Variants in PRDM9 observed in about 807,000 individuals in gnomAD.
PRDM9 encodes PR/SET domain 9.
Under a neutral mutation model 55.6 loss-of-function variants are expected in PRDM9, and 47 were observed. The ratio of observed to expected loss-of-function variants is 0.85; its 90% CI spans 0.67 to 1.08. PRDM9 has a LOEUF of 1.08. PRDM9 is among the 50% of genes least tolerant of loss of function. The pLI is 0.00. For synonymous variants in PRDM9, 312 were observed against 375.7 expected, an observed-to-expected ratio of 0.83 and a Z score of 1.96; for missense variants, 867 against 1,040.3, an observed-to-expected ratio of 0.83 and a Z score of 2.29.
At position 23,526,857 on chromosome 5, in the gene PRDM9, G is replaced by T. The variant is rs772907091; in HGVS notation, c.1769G>T (p.Ser590Ile). The T allele has an allele frequency of 3.1e-6, 5 of 1,606,378 alleles. No individual in the cohort carries two copies. The highest frequency in any genetic ancestry group is 4.2e-6 in the Non-Finnish European group (5 of 1,177,422). The change falls in exon 11 of 11, where the codon AGC becomes ATC. Residue 590 changes from serine to isoleucine, a missense_variant. Physicochemically the swap from Ser to Ile is moderately radical, Grantham distance 142. This residue lies in a region of PRDM9 where 662 missense variants were observed against 711.9 expected (regional missense o/e 0.93). Coordinates refer to ENST00000296682, the MANE Select transcript of PRDM9 (RefSeq NM_020227.4). ...YVCRECGRGF[S>I]WQSVLLTHQR... ...TGCAGGGAGTGTGGGCGGGGCTTTA[G>T]CTGGCAGTCAGTCCTCCTCACTCAC...
intron 5 of PRDM9, among the ~76,000 whole-genome samples, chr5:23,520,399 A>G (rs903018922): frequency 4.6e-5 from 7 of 150,986 alleles, no homozygotes; most frequent in African/African-American, 1.7e-4. Context: ...ATGTATGCCA[A>G]TTTCTGGATC....
chr5:23,510,064 T>G (rs1739061135), intron 4 of PRDM9, 37 bp downstream of exon 4: 1 of 1,575,550 alleles, frequency 6.3e-7, no homozygotes, highest in African/African-American at 1.4e-5. Flanking sequence ...TTTTTTTTTT[T>G]TTTTTTTGAG....
At chr5:23,511,025 G>A (rs1739085324) in intron 4 of PRDM9, among the ~76,000 whole-genome samples, 1 of 151,536 alleles carries the variant, frequency 6.6e-6, no homozygotes, top group Non-Finnish European at 1.5e-5. Context: ...GTGTGGTGGT[G>A]GGTGCCTATA....
At chr5:23,521,283 T>G in intron 6 of PRDM9, 104 bp downstream of exon 6, 14 of 1,332,296 alleles carry the variant, frequency 1.1e-5, no homozygotes, top group Non-Finnish European at 1.5e-5. Context: ...GGCCTGGGCT[T>G]AAGCTGGACT....
chr5:23,515,086 C>G (rs1216632637), intron 4 of PRDM9, among the ~76,000 whole-genome samples: 1 of 151,836 alleles, frequency 6.6e-6, no homozygotes, highest in African/African-American at 2.4e-5. Flanking sequence ...GCCTCAGCCT[C>G]CCGAGTAGCT....
chr5:23,525,144 C>T (rs1199876733), intron 10 of PRDM9, among the ~76,000 whole-genome samples: 1 of 152,186 alleles, frequency 6.6e-6, no homozygotes, highest in Admixed American at 6.5e-5. Flanking sequence ...AGCGGATTGT[C>T]AGGGAAGATT....
At chr5:23,523,001 T>G in intron 8 of PRDM9, 116 bp downstream of exon 8, 1 of 1,558,058 alleles carries the variant, frequency 6.4e-7, no homozygotes, top group Non-Finnish European at 8.8e-7. Flanking sequence ...GTTAGCTCTG[T>G]GTACTCAAGG....
At position 23,522,868 on chromosome 5, in the gene PRDM9, A is replaced by G; in HGVS notation, c.865A>G (p.Asn289Asp). Reference sequence around the variant, plus strand: ...TACAGAAGACGAAGAGGCAGCCAACAATGGATACTCCTGGCTGGTAAGAAG... The same window carrying G: ...TACAGAAGACGAAGAGGCAGCCAACGATGGATACTCCTGGCTGGTAAGAAG... ...RITEDEEAAN[N>D]GYSWLITKGR... is the part of the protein sequence containing the mutation. Residue 289 changes from asparagine to aspartate, a missense_variant, in exon 8 of 11, where the codon AAT (asparagine) becomes GAT (aspartate). This residue lies in a region of PRDM9 where 662 missense variants were observed against 711.9 expected (regional missense o/e 0.93). Coordinates refer to ENST00000296682, the MANE Select transcript of PRDM9 (RefSeq NM_020227.4). 6.2e-7 allele frequency: 1 copy of G among 1,614,202 alleles called. No individual in the cohort carries two copies. Among genetic ancestry groups the G allele is most frequent in the Non-Finnish European group, 8.5e-7 (1 of 1,180,038 alleles).
At chr5:23,510,688 T>G (rs969070100) in intron 4 of PRDM9, among the ~76,000 whole-genome samples, 1 of 151,738 alleles carries the variant, frequency 6.6e-6, no homozygotes, top group African/African-American at 2.4e-5. Flanking sequence ...TTACTATTAT[T>G]ACAGACAAGG....
chr5:23,518,306 G>A (rs531784626), intron 5 of PRDM9, among the ~76,000 whole-genome samples: 6 of 152,302 alleles, frequency 3.9e-5, no homozygotes, highest in African/African-American at 1.4e-4. Flanking sequence ...CAGTGTTGGT[G>A]CAGTCTAATC....
Position 23,523,378 on chromosome 5 carries a change from G to C in PRDM9, c.950+20G>C, listed in dbSNP as rs1455571778. 1.3e-6 allele frequency: 2 copies of C among 1,596,796 alleles called. No homozygotes were observed. Among genetic ancestry groups the C allele is most frequent in the Non-Finnish European group, 1.7e-6 (2 of 1,164,258 alleles). On this transcript the variant is annotated intron_variant, in intron 9 of 10. Transcript: ENST00000296682. ...GATGAGGTAAGGCCAGTAGCTCTCT[G>C]AGTTGCAGAGAGAACCTTCATCTCT... is the stretch of plus-strand genomic sequence containing the variant.
At chr5:23,522,568 G>A (rs776932054) in intron 7 of PRDM9, 46 bp from the exon 8 acceptor site, 15 of 1,613,472 alleles carry the variant, frequency 9.3e-6, no homozygotes, top group Admixed American at 5.0e-5. Context: ...TTATATCAAG[G>A]AACATGCATT....
rs1739372112 is a variant in PRDM9 at position 23,523,332 on chromosome 5, A to G, written c.924A>G (p.Lys308=). The change falls in exon 9 of 11, where the codon AAA becomes AAG. Residue 308 remains lysine (K), a synonymous_variant. Coordinates refer to ENST00000296682, the MANE Select transcript of PRDM9 (RefSeq NM_020227.4). ...ACTGCTATGAGTATGTGGATGGAAA[A>G]GATAAATCCTGGGCCAACTGGATGA... The part of the protein sequence containing the change: ...GRNCYEYVDG[K]DKSWANWMRY... The G allele has an allele frequency of 6.2e-7, 1 of 1,613,946 alleles. No homozygotes were observed. The highest frequency in any genetic ancestry group is 1.7e-5 in the Admixed American group (1 of 59,994).
Position 23,523,289 on chromosome 5 carries a change from A to T in PRDM9, c.883-2A>T, listed in dbSNP as rs1324310942. On this transcript the variant is annotated splice_acceptor_variant, in intron 8 of 10. Coordinates refer to ENST00000296682, the MANE Select transcript of PRDM9 (RefSeq NM_020227.4). LOFTEE classifies it high-confidence loss of function. ...CCTTTGCCTTGTTTTTCTGAAACTC[A>T]GATCACCAAGGGGAGAAACTGCTAT... 6.2e-7 allele frequency: 1 copy of T among 1,613,432 alleles called. No individual in the cohort carries two copies.
chr5:23,525,110 T>C (rs1473866044), intron 10 of PRDM9, among the ~76,000 whole-genome samples: 1 of 152,190 alleles, frequency 6.6e-6, no homozygotes, highest in Admixed American at 6.5e-5. Flanking sequence ...TGGGGATCCG[T>C]GTGAGGTGAG....
At position 23,522,357 on chromosome 5, in the gene PRDM9, G is replaced by A. The variant is rs369637146; in HGVS notation, c.562G>A (p.Gly188Ser). 6.2e-7 allele frequency: 1 copy of A among 1,614,088 alleles called. No individual in the cohort carries two copies. The highest frequency in any genetic ancestry group is 8.5e-7 in the Non-Finnish European group (1 of 1,180,018). The change falls in exon 7 of 11, where the codon GGT becomes AGT. Residue 188 changes from glycine to serine, a missense_variant. By Grantham distance (56) the Gly-to-Ser change is moderately conservative. Coordinates refer to ENST00000296682, the MANE Select transcript of PRDM9 (RefSeq NM_020227.4). Reference protein sequence around the residue: ...RKMYSLRERKGHAYKEVSEPQ... With the variant: ...RKMYSLRERKSHAYKEVSEPQ... Reference sequence around the variant, plus strand: ...GATGTATAGCCTGCGAGAAAGAAAGGGTCATGCATACAAAGAGGTCAGCGA... The same window carrying A: ...GATGTATAGCCTGCGAGAAAGAAAGAGTCATGCATACAAAGAGGTCAGCGA...
chr5:23,507,603 C>G (rs1184842797), upstream of PRDM9: 1 of 152,592 alleles, frequency 6.6e-6, no homozygotes, highest in East Asian at 1.9e-4. Flanking sequence ...CCACATCTCA[C>G]CTCCTGAGGG....
chr5:23,511,300 G>A (rs1201736195), intron 4 of PRDM9, among the ~76,000 whole-genome samples: 3 of 152,146 alleles, frequency 2.0e-5, no homozygotes, highest in Non-Finnish European at 4.4e-5. Flanking sequence ...AGTATATACA[G>A]TAAGAGGTTA....
Position 23,524,406 on chromosome 5 carries a change from T to C in PRDM9, c.1023T>C (p.Tyr341=), listed in dbSNP as rs371125319. The change falls in exon 10 of 11, where the codon TAT becomes TAC. Residue 341 remains tyrosine (Y), a synonymous_variant. Coordinates refer to ENST00000296682, the MANE Select transcript of PRDM9 (RefSeq NM_020227.4). Reference sequence around the variant, plus strand: ...TCCAGTACCACAGGCAGATCTTCTATAGAACCTGCCGAGTCATTAGGCCAG... The same window carrying C: ...TCCAGTACCACAGGCAGATCTTCTACAGAACCTGCCGAGTCATTAGGCCAG... ...VAFQYHRQIF[Y]RTCRVIRPGC... is the part of the protein sequence containing the mutation. The C allele has an allele frequency of 2.5e-6, 4 of 1,613,730 alleles. No individual in the cohort carries two copies. In the African/African-American group the frequency reaches 5.3e-5, roughly 22 times the overall value.
Sources: allele counts gnomAD v4.1 joint callset (sites outside exome capture counted in the v4.1 genomes callset), GRCh38; gene constraint gnomAD v4.1.1; regional missense constraint gnomAD v4.1.1; transcripts MANE v1.5; gene names NCBI Gene and HGNC (gene_info 2026-07-23, HGNC 2026-07-21).